Variants in TAFA1 observed in about 807,000 individuals in gnomAD.
TAFA1 encodes TAFA chemokine like family member 1, also known as chemokine-like protein TAFA-1.
TAFA1 carries 4 observed loss-of-function variants against 18.5 expected under a neutral mutation model. That is an observed-to-expected ratio of 0.22 (90% CI 0.11 to 0.49). The LOEUF is 0.49. TAFA1 is among the 20% of genes least tolerant of loss of function. TAFA1 has a pLI of 0.98. For synonymous variants in TAFA1, 56 were observed against 55.2 expected (o/e 1.01, Z -0.06); for missense variants, 147 against 169.0 (o/e 0.87, Z 0.72).
intron 2 of TAFA1, among the ~76,000 whole-genome samples, chr3:68,173,563 T>C (rs2066085748): frequency 6.6e-6 from 1 of 152,200 alleles, no homozygotes; most frequent in African/African-American, 2.4e-5. Context: ...ATGAAGGGCC[T>C]ATTTTAAAAA....
intron 2 of TAFA1, among the ~76,000 whole-genome samples, chr3:68,275,358 A>G (rs2067774195): frequency 6.6e-6 from 1 of 152,148 alleles, no homozygotes; most frequent in Admixed American, 6.6e-5. Flanking sequence ...AGAGATGTCC[A>G]AAGGCTTCAA....
At chr3:68,284,098 A>C (rs985198998) in intron 2 of TAFA1, among the ~76,000 whole-genome samples, 6 of 152,192 alleles carry the variant, frequency 3.9e-5, no homozygotes, top group Non-Finnish European at 5.9e-5. Flanking sequence ...GTTATTTTGA[A>C]AGACAGAAGA....
At chr3:68,182,369 T>A (rs1033394732) in intron 2 of TAFA1, among the ~76,000 whole-genome samples, 1 of 152,168 alleles carries the variant, frequency 6.6e-6, no homozygotes, top group Non-Finnish European at 1.5e-5. Context: ...GTGCTCAGTA[T>A]GGAGATACAA....
chr3:68,477,609 G>C (rs1009677269), intron 3 of TAFA1, among the ~76,000 whole-genome samples: 1 of 152,128 alleles, frequency 6.6e-6, no homozygotes, highest in African/African-American at 2.4e-5. Context: ...TCAACCTCCT[G>C]TCCTCAAGTC....
At chr3:68,343,172 A>C (rs930173917) in intron 2 of TAFA1, among the ~76,000 whole-genome samples, 2 of 152,170 alleles carry the variant, frequency 1.3e-5, no homozygotes, top group Non-Finnish European at 2.9e-5. Context: ...TCTTTTCTAA[A>C]TTGCTGGCAT....
At chr3:68,341,950 A>T (rs1202831934) in intron 2 of TAFA1, among the ~76,000 whole-genome samples, 1 of 152,160 alleles carries the variant, frequency 6.6e-6, no homozygotes, top group Non-Finnish European at 1.5e-5. Flanking sequence ...TGGTTTTGGA[A>T]CTAGTGGCAT....
chr3:68,212,152 C>G (rs1193956737), intron 2 of TAFA1, among the ~76,000 whole-genome samples: 1 of 151,420 alleles, frequency 6.6e-6, no homozygotes, highest in Non-Finnish European at 1.5e-5. Context: ...GAGTATGAGC[C>G]TGTAATATGA....
intron 2 of TAFA1, among the ~76,000 whole-genome samples, chr3:68,372,771 C>A (rs2069736273): frequency 6.6e-6 from 1 of 151,638 alleles, no homozygotes; most frequent in African/African-American, 2.4e-5. Context: ...AGACAGAAAA[C>A]AATACATTTA....
chr3:68,210,170 C>A (rs900654388), intron 2 of TAFA1, among the ~76,000 whole-genome samples: 2 of 151,896 alleles, frequency 1.3e-5, no homozygotes, highest in Non-Finnish European at 2.9e-5. Context: ...ACCTTAGAAG[C>A]GTGATTCAGT....
intron 2 of TAFA1, among the ~76,000 whole-genome samples, chr3:68,371,018 A>C (rs1288750524): frequency 6.6e-6 from 1 of 152,040 alleles, no homozygotes; most frequent in East Asian, 1.9e-4. Context: ...CACTGAACAA[A>C]ATGCACAACA....
intron 2 of TAFA1, among the ~76,000 whole-genome samples, chr3:68,328,911 A>G (rs1246256812): frequency 1.3e-5 from 2 of 152,088 alleles, no homozygotes; most frequent in African/African-American, 2.4e-5. Flanking sequence ...AAAAAATGTT[A>G]TGAAATAAAA....
intron 3 of TAFA1, among the ~76,000 whole-genome samples, chr3:68,443,887 A>C (rs1202434291): frequency 6.6e-6 from 1 of 152,192 alleles, no homozygotes; most frequent in East Asian, 1.9e-4. Flanking sequence ...AATACAAAAC[A>C]CATAGGTGTT....
At chr3:68,035,758 T>G (rs1326631342) in intron 2 of TAFA1, among the ~76,000 whole-genome samples, 1 of 152,212 alleles carries the variant, frequency 6.6e-6, no homozygotes, top group Non-Finnish European at 1.5e-5. Context: ...ATTCAATCAC[T>G]AGGAACTGAA....
intron 2 of TAFA1, among the ~76,000 whole-genome samples, chr3:68,315,839 T>C (rs911011539): frequency 6.6e-6 from 1 of 152,196 alleles, no homozygotes; most frequent in Non-Finnish European, 1.5e-5. Flanking sequence ...GCTAAACATA[T>C]GCAGAGATTT....
intron 3 of TAFA1, among the ~76,000 whole-genome samples, chr3:68,533,537 G>A (rs370074388): frequency 6.6e-6 from 1 of 152,274 alleles, no homozygotes; most frequent in Non-Finnish European, 1.5e-5. Flanking sequence ...TCTACATGTT[G>A]CATGTGAAAG....
intron 3 of TAFA1, among the ~76,000 whole-genome samples, chr3:68,448,375 C>A (rs1438066530): frequency 2.0e-5 from 3 of 152,062 alleles, no homozygotes; most frequent in African/African-American, 4.8e-5. Flanking sequence ...CAGTAAATAA[C>A]AAGATCCATC....
intron 2 of TAFA1, among the ~76,000 whole-genome samples, chr3:68,113,843 CCAGTAAAATGCAG>C (rs2065290875): frequency 6.7e-6 from 1 of 149,072 alleles, no homozygotes; most frequent in Non-Finnish European, 1.5e-5. Flanking sequence ...TTTGCTCTGG[CCAGTAAAATGCAG>C]CAGAAGTGAC....
chr3:68,529,324 A>T (rs2073154076), intron 3 of TAFA1, among the ~76,000 whole-genome samples: 1 of 151,402 alleles, frequency 6.6e-6, no homozygotes, highest in African/African-American at 2.4e-5. Context: ...ACTCTTAACT[A>T]GCATTTCATC....
At chr3:68,120,900 T>C (rs1277668741) in intron 2 of TAFA1, among the ~76,000 whole-genome samples, 1 of 152,216 alleles carries the variant, frequency 6.6e-6, no homozygotes, top group Non-Finnish European at 1.5e-5. Context: ...TTTAGGAATG[T>C]GATGATTATT....
Sources: allele counts gnomAD v4.1 joint callset (sites outside exome capture counted in the v4.1 genomes callset), GRCh38; gene constraint gnomAD v4.1.1; transcripts MANE v1.5; gene names NCBI Gene and HGNC (gene_info 2026-07-23, HGNC 2026-07-21).